Variants in RALGPS1 observed in about 807,000 individuals in gnomAD.
The protein encoded by RALGPS1 is Ral GEF with PH domain and SH3 binding motif 1.
A neutral mutation model predicts 78.8 loss-of-function variants in RALGPS1; 19 were observed. That is an observed-to-expected ratio of 0.24 (90% confidence interval 0.17 to 0.35). RALGPS1 has a LOEUF of 0.35. Among genes scored for constraint, RALGPS1 ranks in the 10% least tolerant of loss-of-function variants. RALGPS1 has a pLI of 1.00. For missense variants in RALGPS1, 454 were observed against 688.3 expected, an observed-to-expected ratio of 0.66 and a Z score of 3.81; for synonymous variants, 228 against 256.3, an observed-to-expected ratio of 0.89 and a Z score of 1.06.
intron 5 of RALGPS1, among the ~76,000 whole-genome samples, chr9:127,035,962 A>G (rs2046831047): frequency 1.3e-5 from 2 of 152,264 alleles, no homozygotes; most frequent in African/African-American, 4.8e-5. Context: ...TAACAAAACT[A>G]TTTGACTGGG....
chr9:126,970,215 T>A (rs1390533713), intron 3 of RALGPS1, among the ~76,000 whole-genome samples: 1 of 152,056 alleles, frequency 6.6e-6, no homozygotes, highest in East Asian at 1.9e-4. Context: ...TAAACCTAGG[T>A]GACAAGTTAT....
In RALGPS1 at chr9:126,989,087, T is replaced by G. The variant is rs559532438; in HGVS notation, c.216+11342T>G. Among the ~76,000 whole-genome samples the G allele has an allele frequency of 1.3e-4, 19 of 151,564 alleles. No individual in the cohort carries two copies. The East Asian group carries it at 1.5e-3, about 12-fold the overall frequency. ...CACCTTATCATCATCATCATCAGCA[T>G]CATCATCATCATCATCATCATCGCT... is the stretch of plus-strand genomic sequence containing the variant. On this transcript the variant is annotated intron_variant, in intron 4 of 18. Coordinates refer to ENST00000259351, the MANE Select transcript of RALGPS1 (RefSeq NM_014636.3).
At chr9:127,094,244 A>G (rs2052844976) in intron 8 of RALGPS1, among the ~76,000 whole-genome samples, 1 of 152,094 alleles carries the variant, frequency 6.6e-6, no homozygotes, top group Non-Finnish European at 1.5e-5. Context: ...GATTTCCCTC[A>G]TATAGTGTTG....
intron 4 of RALGPS1, among the ~76,000 whole-genome samples, chr9:127,023,100 CCAT>C (rs567646499): frequency 4.2e-4 from 64 of 151,994 alleles, no homozygotes; most frequent in East Asian, 2.7e-3. Context: ...TCTTCAAACA[CCAT>C]CATCATCATC....
At chr9:127,144,855 G>A (rs1407025735) in intron 8 of RALGPS1, among the ~76,000 whole-genome samples, 1 of 152,188 alleles carries the variant, frequency 6.6e-6, no homozygotes, top group Non-Finnish European at 1.5e-5. Context: ...GGGGAATGGG[G>A]AGTGATTGCT....
intron 8 of RALGPS1, chr9:127,093,984 C>T: frequency 1.9e-6 from 3 of 1,568,328 alleles, no homozygotes; most frequent in South Asian, 1.1e-5. Context: ...GCCGCACCCC[C>T]AGCTGCACCC....
At chr9:127,080,259 T>C (rs893700122) in intron 8 of RALGPS1, among the ~76,000 whole-genome samples, 2 of 152,214 alleles carry the variant, frequency 1.3e-5, no homozygotes, top group African/African-American at 4.8e-5. Context: ...GATATATCCT[T>C]TTTTGTGACC....
chr9:127,056,092 A>C (rs933825285), intron 7 of RALGPS1, among the ~76,000 whole-genome samples: 1 of 152,150 alleles, frequency 6.6e-6, no homozygotes, highest in East Asian at 1.9e-4. Context: ...TTGCTCCTCT[A>C]CTTCCCTGGG....
chr9:127,020,121 T>C (rs1049507523), intron 4 of RALGPS1, among the ~76,000 whole-genome samples: 1 of 152,214 alleles, frequency 6.6e-6, no homozygotes. Flanking sequence ...TGCTGTGGTA[T>C]AAACTATTTG....
chr9:126,942,326 C>T (rs146273922), intron 1 of RALGPS1, among the ~76,000 whole-genome samples: 7 of 151,084 alleles, frequency 4.6e-5, no homozygotes, highest in African/African-American at 1.7e-4. Flanking sequence ...AAAATTTGAT[C>T]TGTGTTTTCT....
chr9:127,197,757 C>T (rs1276945366), intron 13 of RALGPS1, among the ~76,000 whole-genome samples: 2 of 152,118 alleles, frequency 1.3e-5, no homozygotes, highest in South Asian at 2.1e-4. Flanking sequence ...GAGAAGAGTT[C>T]CAGGTCATGC....
rs984158518 is a variant in RALGPS1, at chr9:127,037,815, A to G, written c.300+3301A>G. On this transcript the variant is annotated intron_variant, in intron 5 of 18. Transcript: ENST00000259351. The stretch of plus-strand genomic sequence containing the variant: ...CTCAGATTGCCCTGGCTTGTGGCCT[A>G]TCTTGTTTGTTATGATCTAATCACT... 7.2e-5 allele frequency among the ~76,000 whole-genome samples: 11 copies of G among 152,172 alleles called. No individual in the cohort carries two copies. In the South Asian group the frequency reaches 1.4e-3, roughly 20 times the overall value.
chr9:126,932,799 AC>A (rs1269315474), intron 1 of RALGPS1, among the ~76,000 whole-genome samples: 1 of 152,252 alleles, frequency 6.6e-6, no homozygotes, highest in Non-Finnish European at 1.5e-5. Context: ...ATTTACAAAT[AC>A]ATATATACAT....
chr9:126,956,971 A>T (rs371641881), intron 1 of RALGPS1, among the ~76,000 whole-genome samples: 1 of 152,166 alleles, frequency 6.6e-6, no homozygotes, highest in Non-Finnish European at 1.5e-5. Context: ...CTTGGCATTG[A>T]CTGACTAGGG....
intron 7 of RALGPS1, among the ~76,000 whole-genome samples, chr9:127,057,827 A>G (rs958702871): frequency 2.0e-5 from 3 of 152,224 alleles, no homozygotes; most frequent in African/African-American, 7.2e-5. Context: ...GAGAATAAAC[A>G]TGTGCCTAGT....
At chr9:127,085,385 G>A (rs2051601750) in intron 8 of RALGPS1, among the ~76,000 whole-genome samples, 1 of 152,192 alleles carries the variant, frequency 6.6e-6, no homozygotes, top group Non-Finnish European at 1.5e-5. Context: ...GGAGAGGATG[G>A]TCTGGTTGGC....
intron 11 of RALGPS1, among the ~76,000 whole-genome samples, chr9:127,193,025 C>T (rs2061157463): frequency 6.6e-6 from 1 of 152,162 alleles, no homozygotes; most frequent in South Asian, 2.1e-4. Context: ...GGAGCACAGA[C>T]CTCCATTTGC....
chr9:127,178,099 A>T (rs1006174294), intron 11 of RALGPS1: 1 of 1,171,752 alleles, frequency 8.5e-7, no homozygotes, highest in African/African-American at 1.5e-5. Context: ...AGTGTTACCA[A>T]TCCCAGGGAT....
intron 1 of RALGPS1, among the ~76,000 whole-genome samples, chr9:126,954,907 C>T (rs1319163583): frequency 6.6e-6 from 1 of 152,240 alleles, no homozygotes; most frequent in East Asian, 1.9e-4. Context: ...TGGCCCCAGC[C>T]TGTCTGTCGA....
Sources: gnomAD v4.1 joint callset for allele counts (sites outside exome capture counted in the v4.1 genomes callset) on GRCh38, gnomAD v4.1.1 for gene constraint, MANE v1.5 for transcripts, NCBI Gene and HGNC (gene_info 2026-07-23, HGNC 2026-07-21) for gene names.